Variants in PDK3 observed in about 807,000 individuals in gnomAD.
PDK3 encodes pyruvate dehydrogenase kinase 3.
A neutral mutation model predicts 32.0 loss-of-function variants in PDK3; 12 were observed. The ratio of observed to expected loss-of-function variants is 0.37; its 90% CI spans 0.24 to 0.61. PDK3 has a LOEUF of 0.61. PDK3 is among the 20% of genes least tolerant of loss of function. PDK3 has a pLI of 0.65. For missense variants in PDK3, 188 were observed against 316.9 expected (o/e 0.59, Z 3.09); for synonymous variants, 122 against 116.3 (o/e 1.05, Z -0.31).
intron 6 of PDK3, among the ~76,000 whole-genome samples, chrX:24,521,301 A>T (rs1041584539): frequency 3.9e-5 from 4 of 102,188 alleles, no homozygotes; most frequent in Non-Finnish European, 8.0e-5. Flanking sequence ...AAAAAAAAAG[A>T]TAAACCAAAT....
chrX:24,489,503 G>A (rs1921493152), intron 1 of PDK3, among the ~76,000 whole-genome samples: 1 of 109,828 alleles, frequency 9.1e-6, no homozygotes, highest in Non-Finnish European at 1.9e-5. Context: ...AGTCCAACAT[G>A]GTGAAACCTC....
intron 2 of PDK3, among the ~76,000 whole-genome samples, chrX:24,495,411 G>A (rs372798664): frequency 1.4e-4 from 16 of 112,718 alleles, no homozygotes; most frequent in African/African-American, 5.2e-4. Context: ...TGAAGAAGTT[G>A]AATTTGTGAC....
Position 24,518,997 on chromosome X carries a change from T to C in PDK3, c.660T>C (p.Val220=). The C allele has an allele frequency of 8.4e-7, 1 of 1,185,061 alleles. No homozygotes were observed. The highest frequency in any genetic ancestry group is 1.1e-6 in the Non-Finnish European group (1 of 874,639). Reference sequence around the variant, plus strand: ...ACCTGGTAGCTCCAGAGCTGGAAGTTGAAGAATTCAATGGTAAAAGAAAAC... The same window carrying C: ...ACCTGGTAGCTCCAGAGCTGGAAGTCGAAGAATTCAATGGTAAAAGAAAAC... ...QYYLVAPELE[V]EEFNAKAPDK... is the part of the protein sequence containing the mutation. The change falls in exon 6 of 11, where the codon GTT becomes GTC. Residue 220 remains valine, a synonymous_variant. Coordinates refer to ENST00000379162, the MANE Select transcript of PDK3 (RefSeq NM_005391.5).
At chrX:24,476,954 T>A in intron 1 of PDK3, among the ~76,000 whole-genome samples, 1 of 112,283 alleles carries the variant, frequency 8.9e-6, no homozygotes, top group African/African-American at 3.2e-5. Context: ...GTTCCCTCTT[T>A]AAAGAACTGA....
chrX:24,490,332 C>CT (rs1921521976), intron 1 of PDK3, among the ~76,000 whole-genome samples: 1 of 111,108 alleles, frequency 9.0e-6, no homozygotes, highest in South Asian at 3.8e-4. Context: ...AGATACTGCT[C>CT]TTTTTTTATA....
chrX:24,524,735 A>T (rs1283530935), intron 6 of PDK3, among the ~76,000 whole-genome samples: 1 of 112,332 alleles, frequency 8.9e-6, no homozygotes, highest in Non-Finnish European at 1.9e-5. Context: ...AGACTACAGC[A>T]GAAGTAGTAA....
chrX:24,509,624 G>C (rs141138011), intron 5 of PDK3, among the ~76,000 whole-genome samples: 1,804 of 111,159 alleles, frequency 0.016, 23 homozygotes, highest in Middle Eastern at 0.042. Context: ...TCAAACCATG[G>C]TTTTTCATCT....
chrX:24,535,105 A>G (rs190652528), downstream of PDK3, among the ~76,000 whole-genome samples: 194 of 112,974 alleles, frequency 1.7e-3, no homozygotes, highest in African/African-American at 5.9e-3. Context: ...TCTTCTGACT[A>G]TGTACCCTTA....
chrX:24,539,845 C>T (rs1044172930), exon 12 of PDK3: 4 of 112,304 alleles, frequency 3.6e-5, no homozygotes, highest in Non-Finnish European at 5.6e-5. Context: ...GAATTTTTCA[C>T]CCAACTGCTT....
intron 6 of PDK3, among the ~76,000 whole-genome samples, chrX:24,521,672 T>C (rs1922401104): frequency 8.9e-6 from 1 of 111,778 alleles, no homozygotes; most frequent in South Asian, 3.8e-4. Flanking sequence ...GGCCTGTTCT[T>C]GCTGATTCCC....
chrX:24,481,010 G>A (rs945698995), intron 1 of PDK3, among the ~76,000 whole-genome samples: 3 of 110,183 alleles, frequency 2.7e-5, no homozygotes, highest in African/African-American at 9.9e-5. Context: ...ATCACAAAGA[G>A]AAGAACAAAA....
chrX:24,518,119 G>A lies in PDK3; in HGVS notation c.596-814G>A, dbSNP rs757292585. Among the ~76,000 whole-genome samples the A allele has an allele frequency of 2.6e-4, 29 of 112,013 alleles. No individual in the cohort carries two copies. In the South Asian group the frequency reaches 7.8e-3, roughly 30 times the overall value. On this transcript the variant is annotated intron_variant, in intron 5 of 10. Coordinates refer to ENST00000379162, the MANE Select transcript of PDK3 (RefSeq NM_005391.5). The stretch of plus-strand genomic sequence containing the variant: ...GTAATAGTATAAGTTAAACAAGTAC[G>A]TGTTTGGTATAGAGCTAGCTGAATT...
chrX:24,495,686 C>T (rs775576786), intron 2 of PDK3, among the ~76,000 whole-genome samples: 122 of 112,625 alleles, frequency 1.1e-3, no homozygotes, highest in African/African-American at 3.8e-3. Context: ...TGTTCACCAA[C>T]CTGGAGACTC....
chrX:24,543,837 T>C (rs1922941583), exon 12 of PDK3, among the ~76,000 whole-genome samples: 1 of 112,406 alleles, frequency 8.9e-6, no homozygotes, highest in Admixed American at 9.5e-5. Flanking sequence ...CAATTTTGTC[T>C]ACAGTTTTAG....
chrX:24,518,489 C>G (rs1260312003), intron 5 of PDK3, among the ~76,000 whole-genome samples: 2 of 110,893 alleles, frequency 1.8e-5, no homozygotes, highest in East Asian at 5.7e-4. Context: ...TCTCAAAAAA[C>G]AAACAAACGA....
intron 1 of PDK3, among the ~76,000 whole-genome samples, chrX:24,492,915 A>AGG (rs1921604302): frequency 9.4e-6 from 1 of 106,838 alleles, no homozygotes; most frequent in Non-Finnish European, 1.9e-5. Flanking sequence ...CAGGAGAATC[A>AGG]CTTGAACCCA....
chrX:24,513,665 C>T (rs950570013), intron 5 of PDK3: 2 of 111,087 alleles, frequency 1.8e-5, no homozygotes, highest in Non-Finnish European at 3.8e-5. Flanking sequence ...TCATATTCTG[C>T]CACAAAATGT....
At position 24,523,509 on chromosome X, in the gene PDK3, G is replaced by C. The variant is rs960265750; in HGVS notation, c.674-2689G>C. 2.7e-5 allele frequency among the ~76,000 whole-genome samples: 3 copies of C among 112,333 alleles called. No individual in the cohort carries two copies. The Admixed American group carries it at 2.8e-4, about 11-fold the overall frequency. On this transcript the variant is annotated intron_variant, in intron 6 of 10. Transcript: ENST00000379162. ...AGATTGTCCTGGAGGGACTCTGGGG[G>C]CAGGGCCAGGTGGTGCAATGGACTG...
chrX:24,477,524 C>T (rs1363698878), intron 1 of PDK3, among the ~76,000 whole-genome samples: 1 of 111,128 alleles, frequency 9.0e-6, no homozygotes, highest in Admixed American at 9.6e-5. Flanking sequence ...TTTGTGATAG[C>T]CCTTCCTGCT....
Sources: allele counts gnomAD v4.1 joint callset (sites outside exome capture counted in the v4.1 genomes callset), GRCh38; gene constraint gnomAD v4.1.1; transcripts MANE v1.5; gene names NCBI Gene and HGNC (gene_info 2026-07-23, HGNC 2026-07-21).